EPHA6: variants seen among roughly 807,000 people sequenced by gnomAD.
The protein encoded by EPHA6 is ephrin type-A receptor 6.
EPHA6 carries 50 observed loss-of-function variants against 112.0 expected under a neutral mutation model. The observed-to-expected ratio is 0.45, with a 90% CI of 0.36 to 0.56. The LOEUF is 0.56. Among genes scored for constraint, EPHA6 ranks in the 20% least tolerant of loss-of-function variants. The probability of loss-of-function intolerance (pLI) is 0.00; values close to 1 mark genes in which losing one functional copy is unlikely to be tolerated. For missense variants in EPHA6, 1,280 were observed against 1,417.4 expected, an observed-to-expected ratio of 0.90 and a Z score of 1.56; for synonymous variants, 529 against 490.7, an observed-to-expected ratio of 1.08 and a Z score of -1.03.
intron 5 of EPHA6, among the ~76,000 whole-genome samples, chr3:97,379,178 C>T (rs552804363): frequency 3.3e-5 from 5 of 152,172 alleles, no homozygotes; most frequent in East Asian, 1.9e-4. Context: ...TGATGGTTTT[C>T]GCATCTTCCT....
chr3:97,560,043 G>A (rs1171112558), intron 11 of EPHA6, among the ~76,000 whole-genome samples: 1 of 150,672 alleles, frequency 6.6e-6, no homozygotes, highest in Admixed American at 6.6e-5. Context: ...AGAAAAAAAA[G>A]AAAAAAATCC....
Position 97,157,581 on chromosome 3 carries a change from G to A in EPHA6, c.1115-68683G>A, listed in dbSNP as rs545839510. Among the ~76,000 whole-genome samples, 10 of 152,094 alleles carry A rather than the reference G, an allele frequency of 6.6e-5. No homozygotes were observed. In the East Asian group the frequency reaches 7.8e-4, roughly 12 times the overall value. On this transcript the variant is annotated intron_variant, in intron 3 of 17. Coordinates refer to ENST00000389672, the MANE Select transcript of EPHA6 (RefSeq NM_001080448.3). ...TATATTGATTGGCTCATGTAATTAC[G>A]GAGGCTGAGAAATGTAAAATCTGCA... is the stretch of plus-strand genomic sequence containing the variant.
chr3:97,031,492 C>T (rs184314857), intron 3 of EPHA6, among the ~76,000 whole-genome samples: 14 of 152,130 alleles, frequency 9.2e-5, no homozygotes, highest in Admixed American at 9.2e-4. Context: ...AAGAAACCAC[C>T]ATCAGAGTGA....
At chr3:97,276,612 T>C (rs2080090977) in intron 5 of EPHA6, among the ~76,000 whole-genome samples, 1 of 152,170 alleles carries the variant, frequency 6.6e-6, no homozygotes, top group African/African-American at 2.4e-5. Flanking sequence ...GTTAACTAAG[T>C]CCTGTTGCGG....
chr3:97,560,230 G>A (rs974709323), intron 11 of EPHA6, among the ~76,000 whole-genome samples: 1 of 151,666 alleles, frequency 6.6e-6, no homozygotes, highest in Admixed American at 6.6e-5. Flanking sequence ...ACAAAGAAAA[G>A]AAATTCCAGG....
At chr3:97,116,048 C>T (rs2047877931) in intron 3 of EPHA6, among the ~76,000 whole-genome samples, 1 of 151,582 alleles carries the variant, frequency 6.6e-6, no homozygotes, top group African/African-American at 2.4e-5. Context: ...TTTTAATTTC[C>T]TTTAATACCT....
intron 3 of EPHA6, among the ~76,000 whole-genome samples, chr3:97,094,180 CAT>C (rs1426004948): frequency 1.3e-5 from 2 of 152,094 alleles, no homozygotes; most frequent in Non-Finnish European, 1.5e-5. Context: ...TTACTGTTAA[CAT>C]GTGTTATGTT....
intron 1 of EPHA6, among the ~76,000 whole-genome samples, chr3:96,857,883 C>T (rs575997783): frequency 6.0e-4 from 91 of 152,026 alleles, no homozygotes; most frequent in Non-Finnish European, 1.0e-3. Context: ...TTATTGTGTC[C>T]GGTTTAATGA....
Position 96,907,470 on chromosome 3 carries a change from GA to G in EPHA6, c.450+40589del, listed in dbSNP as rs778770489. ...ACTTTTTCTTATTGTCGTTTACTAG[GA>G]AAAAAAATTCATTTTGATATTTCTC... is the stretch of plus-strand genomic sequence containing the variant. On this transcript the variant is annotated intron_variant, in intron 2 of 17. Transcript: ENST00000389672. Among the ~76,000 whole-genome samples the G allele has an allele frequency of 1.2e-4, 18 of 144,608 alleles. No homozygotes were observed. The East Asian group carries it at 2.5e-3, about 20-fold the overall frequency. The allele number at this position is 144,608 out of a possible 152,430, so 94.9% of individuals were successfully genotyped here.
chr3:97,016,608 T>C (rs2044274676), intron 3 of EPHA6, among the ~76,000 whole-genome samples: 1 of 152,208 alleles, frequency 6.6e-6, no homozygotes. Context: ...GTGTGCAGTT[T>C]GGTAAGTTTT....
intron 3 of EPHA6, among the ~76,000 whole-genome samples, chr3:96,999,243 T>C (rs749398060): frequency 2.0e-5 from 3 of 151,870 alleles, no homozygotes; most frequent in Non-Finnish European, 2.9e-5. Flanking sequence ...ATTTGAAAAG[T>C]TTGTGATTAT....
At chr3:97,389,510 A>G (rs2086275983) in intron 5 of EPHA6, among the ~76,000 whole-genome samples, 1 of 152,202 alleles carries the variant, frequency 6.6e-6, no homozygotes, top group South Asian at 2.1e-4. Flanking sequence ...CTACTATATA[A>G]TTTATCATAA....
intron 1 of EPHA6, among the ~76,000 whole-genome samples, chr3:96,862,176 G>T (rs75229786): frequency 1.3e-5 from 2 of 151,760 alleles, no homozygotes; most frequent in Non-Finnish European, 2.9e-5. Context: ...TCTATAATTC[G>T]AAGTATTCTC....
In EPHA6 at chr3:97,544,370, T is replaced by C. The variant is rs545866707; in HGVS notation, c.2386+11827T>C. ...ATAATCATGTGGTTTTTGTCTTTGG[T>C]TCTGTTTATATGCTGGATTACATTT... On this transcript the variant is annotated intron_variant, in intron 11 of 17. Coordinates refer to ENST00000389672, the MANE Select transcript of EPHA6 (RefSeq NM_001080448.3). Among the ~76,000 whole-genome samples the C allele has an allele frequency of 2.9e-4, 44 of 152,260 alleles. No homozygotes were observed. The South Asian group carries it at 8.7e-3, about 30-fold the overall frequency.
At chr3:96,965,429 G>A (rs2042090057) in intron 2 of EPHA6, among the ~76,000 whole-genome samples, 1 of 152,026 alleles carries the variant, frequency 6.6e-6, no homozygotes, top group Admixed American at 6.6e-5. Flanking sequence ...ATTTTAATGA[G>A]TGTGTGAATC....
chr3:97,202,624 G>A (rs931054173), intron 3 of EPHA6, among the ~76,000 whole-genome samples: 6 of 151,998 alleles, frequency 3.9e-5, no homozygotes, highest in South Asian at 2.1e-4. Flanking sequence ...GTAAGCCACC[G>A]TGCTTGGCCA....
chr3:97,107,405 A>G (rs1465012114), intron 3 of EPHA6, among the ~76,000 whole-genome samples: 2 of 152,000 alleles, frequency 1.3e-5, no homozygotes, highest in Admixed American at 6.6e-5. Flanking sequence ...TACTTTTGTT[A>G]TACATCACTT....
intron 2 of EPHA6, among the ~76,000 whole-genome samples, chr3:96,952,824 A>G (rs543297221): frequency 6.6e-6 from 1 of 152,134 alleles, no homozygotes; most frequent in Non-Finnish European, 1.5e-5. Context: ...ACATGGACAC[A>G]TAGAGGGGAA....
intron 14 of EPHA6, among the ~76,000 whole-genome samples, chr3:97,638,454 A>G (rs773686865): frequency 5.3e-5 from 8 of 152,190 alleles, no homozygotes; most frequent in Non-Finnish European, 8.8e-5. Context: ...TACCTCAGTA[A>G]TATGAGGAAC....
Sources: gnomAD v4.1 joint callset for allele counts (sites outside exome capture counted in the v4.1 genomes callset) on GRCh38, gnomAD v4.1.1 for gene constraint, MANE v1.5 for transcripts, NCBI Gene and HGNC (gene_info 2026-07-23, HGNC 2026-07-21) for gene names.